Variants in SETBP1 observed in about 807,000 individuals in gnomAD.
SETBP1 encodes the protein SET binding protein 1, also known as SET-binding protein.
Under a neutral mutation model 101.0 loss-of-function variants are expected in SETBP1, and 9 were observed. The ratio of observed to expected loss-of-function variants is 0.09; its 90% CI spans 0.05 to 0.16. The LOEUF (loss-of-function observed/expected upper bound fraction) is 0.16. Among genes scored for constraint, SETBP1 ranks in the 10% least tolerant of loss-of-function variants. SETBP1 has a pLI of 1.00. For missense variants in SETBP1, 1,858 were observed against 2,033.8 expected, an observed-to-expected ratio of 0.91 and a Z score of 1.66; for synonymous variants, 818 against 788.5, an observed-to-expected ratio of 1.04 and a Z score of -0.63.
At chr18:44,785,891 A>AC (rs950195092) in intron 2 of SETBP1, among the ~76,000 whole-genome samples, 13 of 151,912 alleles carry the variant, frequency 8.6e-5, no homozygotes, top group African/African-American at 2.7e-4. Flanking sequence ...CATTTTATTA[A>AC]CCCCCCCACC....
At chr18:45,016,068 AAC>A in intron 4 of SETBP1, among the ~76,000 whole-genome samples, 1 of 152,212 alleles carries the variant, frequency 6.6e-6, no homozygotes, top group Non-Finnish European at 1.5e-5. Flanking sequence ...GAAAACAAAC[AAC>A]AAAAGAAAAT....
At chr18:44,817,017 G>T (rs1233765442) in intron 2 of SETBP1, among the ~76,000 whole-genome samples, 1 of 152,172 alleles carries the variant, frequency 6.6e-6, no homozygotes, top group Non-Finnish European at 1.5e-5. Context: ...AATCCAGACA[G>T]CACTGAGGGA....
At chr18:44,780,843 G>A (rs769234098) in intron 2 of SETBP1, among the ~76,000 whole-genome samples, 3 of 152,204 alleles carry the variant, frequency 2.0e-5, no homozygotes, top group Non-Finnish European at 4.4e-5. Flanking sequence ...GGGTCATGGA[G>A]CTCCCTAAAG....
At chr18:44,790,372 C>T (rs964476076) in intron 2 of SETBP1, among the ~76,000 whole-genome samples, 1 of 152,138 alleles carries the variant, frequency 6.6e-6, no homozygotes, top group Non-Finnish European at 1.5e-5. Context: ...CATGGACTCT[C>T]GTTTACAAAG....
chr18:44,745,378 G>C (rs948776023), intron 2 of SETBP1, among the ~76,000 whole-genome samples: 1 of 152,144 alleles, frequency 6.6e-6, no homozygotes, highest in African/African-American at 2.4e-5. Context: ...GGGGCTAGGG[G>C]CTGATGACCA....
At chr18:44,685,831 T>A (rs1411335189) in intron 1 of SETBP1, among the ~76,000 whole-genome samples, 1 of 152,218 alleles carries the variant, frequency 6.6e-6, no homozygotes, top group Non-Finnish European at 1.5e-5. Flanking sequence ...ATTCAACCGA[T>A]GTCCATATAA....
chr18:44,967,013 A>C (rs1258626477), intron 4 of SETBP1, among the ~76,000 whole-genome samples: 3 of 152,204 alleles, frequency 2.0e-5, no homozygotes, highest in Admixed American at 6.5e-5. Flanking sequence ...AATATATTCA[A>C]ACAGAAAATA....
At chr18:44,740,929 G>A (rs2070082800) in intron 2 of SETBP1, among the ~76,000 whole-genome samples, 1 of 152,180 alleles carries the variant, frequency 6.6e-6, no homozygotes, top group African/African-American at 2.4e-5. Flanking sequence ...TGTACATCTT[G>A]ATTTCTCAGT....
intron 5 of SETBP1, among the ~76,000 whole-genome samples, chr18:45,049,721 G>A (rs1441083272): frequency 6.6e-6 from 1 of 152,114 alleles, no homozygotes; most frequent in Admixed American, 6.5e-5. Flanking sequence ...CATTGAACTG[G>A]AGCAGAATCA....
intron 3 of SETBP1, among the ~76,000 whole-genome samples, chr18:44,925,914 T>C (rs1046359601): frequency 1.3e-5 from 2 of 152,024 alleles, no homozygotes; most frequent in African/African-American, 2.4e-5. Context: ...ATGCCACTAA[T>C]TAAGAGGTGA....
chr18:44,898,027 G>A (rs1185497696), intron 3 of SETBP1, among the ~76,000 whole-genome samples: 1 of 152,156 alleles, frequency 6.6e-6, no homozygotes, highest in Non-Finnish European at 1.5e-5. Flanking sequence ...TAATTGTTGT[G>A]ATAGTGCCCA....
chr18:44,782,571 G>A (rs1457180383), intron 2 of SETBP1, among the ~76,000 whole-genome samples: 1 of 152,128 alleles, frequency 6.6e-6, no homozygotes, highest in Non-Finnish European at 1.5e-5. Flanking sequence ...GGGGTGTGTT[G>A]TTTTTCCCCC....
intron 2 of SETBP1, among the ~76,000 whole-genome samples, chr18:44,840,218 C>T (rs752292512): frequency 2.6e-5 from 4 of 152,192 alleles, no homozygotes; most frequent in Non-Finnish European, 5.9e-5. Context: ...TAATTTCCAT[C>T]TTTAACAGAT....
At chr18:44,869,419 T>C in intron 3 of SETBP1, 136 bp downstream of exon 3, 1 of 799,660 alleles carries the variant, frequency 1.3e-6, no homozygotes, top group Non-Finnish European at 2.2e-6. Context: ...TAACTGACAA[T>C]GACCTGGTGG....
chr18:44,876,464 T>G, intron 3 of SETBP1: 1 of 824,064 alleles, frequency 1.2e-6, no homozygotes, highest in Non-Finnish European at 2.0e-6. Flanking sequence ...AGGAATCCAG[T>G]CCTAACCCCT....
chr18:44,839,434 G>A (rs550773376), intron 2 of SETBP1, among the ~76,000 whole-genome samples: 7 of 151,694 alleles, frequency 4.6e-5, no homozygotes, highest in South Asian at 2.1e-4. Context: ...CTGCTGCTGC[G>A]AGGCTGCCCT....
chr18:44,992,783 A>C (rs2072407076), intron 4 of SETBP1, among the ~76,000 whole-genome samples: 1 of 152,034 alleles, frequency 6.6e-6, no homozygotes, highest in South Asian at 2.1e-4. Flanking sequence ...TTATTACACA[A>C]ACTTGCTTAG....
At chr18:44,862,650 A>G (rs1432750727) in intron 2 of SETBP1, among the ~76,000 whole-genome samples, 1 of 152,216 alleles carries the variant, frequency 6.6e-6, no homozygotes, top group African/African-American at 2.4e-5. Flanking sequence ...CTGAGTGGCC[A>G]TCTGTCCAAA....
At chr18:44,897,451 C>G (rs1313103306) in intron 3 of SETBP1, among the ~76,000 whole-genome samples, 1 of 152,074 alleles carries the variant, frequency 6.6e-6, no homozygotes, top group African/African-American at 2.4e-5. Context: ...ATTTAGCGAC[C>G]CGGGCTGATG....
Sources: allele counts gnomAD v4.1 joint callset (sites outside exome capture counted in the v4.1 genomes callset), GRCh38; gene constraint gnomAD v4.1.1; transcripts MANE v1.5; gene names NCBI Gene and HGNC (gene_info 2026-07-23, HGNC 2026-07-21).